Variants in DENND6A observed in about 807,000 individuals in gnomAD.
DENND6A encodes protein DENND6A.
Under a neutral mutation model 95.5 loss-of-function variants are expected in DENND6A, and 43 were observed. That is an observed-to-expected ratio of 0.45 (90% CI 0.35 to 0.58). The LOEUF is 0.58. Ranked by LOEUF, DENND6A falls within the 20% of genes least tolerant of loss-of-function variation. DENND6A has a pLI of 0.00. For missense variants in DENND6A, 574 were observed against 736.0 expected (o/e 0.78, Z 2.55); for synonymous variants, 257 against 260.4 (o/e 0.99, Z 0.13).
At position 57,666,051 on chromosome 3, in the gene DENND6A, C is replaced by T; in HGVS notation, c.432+72G>A. The T allele has an allele frequency of 2.4e-6, 3 of 1,246,120 alleles. No individual in the cohort carries two copies. The South Asian group carries it at 3.9e-5, about 16-fold the overall frequency. The allele number at this position is 1,246,120 out of a possible 1,614,324, so 77.2% of individuals were successfully genotyped here. ...AAAGCAAAATATTTCTGAATGGTGTCAGCGGTAACTGAATAAATGAGTTCT... is the reference window on the plus strand; with the variant it reads ...AAAGCAAAATATTTCTGAATGGTGTTAGCGGTAACTGAATAAATGAGTTCT... On this transcript the variant is annotated intron_variant, in intron 4 of 19. Coordinates refer to ENST00000311128, the MANE Select transcript of DENND6A (RefSeq NM_152678.3).
Position 57,628,878 on chromosome 3 carries a change from A to C in DENND6A, c.1628T>G (p.Leu543Arg), listed in dbSNP as rs1195446301. 1 of 1,612,420 alleles carries C rather than the reference A, an allele frequency of 6.2e-7. No individual in the cohort carries two copies. The highest frequency in any genetic ancestry group is 2.2e-5 in the East Asian group (1 of 44,810). Residue 543 changes from leucine (L) to arginine (R), a missense_variant, in exon 19 of 20, where the codon CTT (leucine) becomes CGT (arginine). Transcript: ENST00000311128. Reference protein sequence around the residue: ...HLEALCEEDLLLWIQKHTEVE... With the variant: ...HLEALCEEDLRLWIQKHTEVE... ...TTCTGTGTGTTTCTGGATCCAGAGAAGTAAGTCCTAGAATAAATAAAGTCC... is the reference window on the plus strand; with the variant it reads ...TTCTGTGTGTTTCTGGATCCAGAGACGTAAGTCCTAGAATAAATAAAGTCC...
At position 57,641,645 on chromosome 3, in the gene DENND6A, T is replaced by C. The variant is rs1248604086; in HGVS notation, c.1132+8A>G. The C allele has an allele frequency of 3.1e-6, 5 of 1,605,806 alleles. No individual in the cohort carries two copies. Among genetic ancestry groups the C allele is most frequent in the African/African-American group, 2.7e-5 (2 of 74,644 alleles). On this transcript the variant is annotated splice_region_variant and intron_variant, in intron 12 of 19. Transcript: ENST00000311128. ...CACTAGAAACAGAACACCAAGTTTA[T>C]ACTTTACCTGTAGGTTTAAGGTCTC...
chr3:57,625,920 G>C lies in DENND6A; in HGVS notation c.*2294C>G, dbSNP rs1209772335. On this transcript the variant is annotated 3_prime_UTR_variant, in exon 20 of 20. Coordinates refer to ENST00000311128, the MANE Select transcript of DENND6A (RefSeq NM_152678.3). ...TAGTGGCATAATTTAAAAGATCCTTGATATGACACCAACAACTTACAAATT... is the reference window on the plus strand; with the variant it reads ...TAGTGGCATAATTTAAAAGATCCTTCATATGACACCAACAACTTACAAATT... The C allele has an allele frequency of 6.6e-6, 1 of 152,476 alleles. No homozygotes were observed. The highest frequency in any genetic ancestry group is 1.5e-5 in the Non-Finnish European group (1 of 68,020). 9.4% of individuals were successfully genotyped at this position (152,476 alleles called of 1,614,324 possible).
intron 12 of DENND6A, among the ~76,000 whole-genome samples, chr3:57,636,111 CAGT>C (rs1366416022): frequency 1.4e-4 from 21 of 152,278 alleles, no homozygotes; most frequent in African/African-American, 5.1e-4. Flanking sequence ...CTCTGATCAA[CAGT>C]AGGCTGTTAG....
At chr3:57,685,076 G>T (rs1167124010) in intron 1 of DENND6A, among the ~76,000 whole-genome samples, 1 of 151,786 alleles carries the variant, frequency 6.6e-6, no homozygotes, top group South Asian at 2.1e-4. Flanking sequence ...ACCATGCCTG[G>T]CTAATTTTTT....
intron 19 of DENND6A, 39 bp downstream of exon 19, chr3:57,628,772 G>GA (rs775270956): frequency 3.4e-5 from 54 of 1,592,226 alleles, no homozygotes; most frequent in Non-Finnish European, 4.4e-5. Flanking sequence ...TGTCTTCAAA[G>GA]AAAAGTCAAT....
chr3:57,689,966 C>G (rs1386972256), intron 1 of DENND6A, among the ~76,000 whole-genome samples: 1 of 151,566 alleles, frequency 6.6e-6, no homozygotes, highest in Non-Finnish European at 1.5e-5. Flanking sequence ...CAGGAGGATC[C>G]CTCGAGTTTA....
chr3:57,633,840 G>A (rs140993929), intron 14 of DENND6A, among the ~76,000 whole-genome samples: 257 of 151,678 alleles, frequency 1.7e-3, no homozygotes, highest in African/African-American at 6.0e-3. Flanking sequence ...GCAGTGAGCC[G>A]AGATTGTGCT....
intron 8 of DENND6A, 84 bp downstream of exon 8, chr3:57,659,034 A>G (rs2071377829): frequency 7.8e-7 from 1 of 1,289,132 alleles, no homozygotes; most frequent in Non-Finnish European, 1.1e-6. Context: ...TAATAAACTC[A>G]AGAAACTCTG....
intron 7 of DENND6A, among the ~76,000 whole-genome samples, chr3:57,659,786 A>G (rs1338391452): frequency 2.0e-5 from 3 of 152,240 alleles, no homozygotes; most frequent in African/African-American, 7.2e-5. Context: ...TGGGATGAAC[A>G]TGTGTGGTCT....
At chr3:57,668,167 T>C (rs1446773147) in intron 3 of DENND6A, among the ~76,000 whole-genome samples, 2 of 152,216 alleles carry the variant, frequency 1.3e-5, no homozygotes, top group Non-Finnish European at 2.9e-5. Flanking sequence ...TATTGGTCCA[T>C]AACTGACTGG....
At chr3:57,680,819 G>A (rs1369528867) in intron 1 of DENND6A, among the ~76,000 whole-genome samples, 2 of 152,224 alleles carry the variant, frequency 1.3e-5, no homozygotes, top group South Asian at 2.1e-4. Flanking sequence ...TTTAGCATTA[G>A]TTATTAGGGA....
chr3:57,670,092 T>A (rs1212285822), intron 3 of DENND6A, among the ~76,000 whole-genome samples: 15 of 149,974 alleles, frequency 1.0e-4, no homozygotes, highest in African/African-American at 3.4e-4. Flanking sequence ...TACTTAAAAA[T>A]TTTTTTGATA....
intron 4 of DENND6A, among the ~76,000 whole-genome samples, chr3:57,665,501 T>C (rs1373562537): frequency 6.6e-6 from 1 of 152,052 alleles, no homozygotes; most frequent in Non-Finnish European, 1.5e-5. Context: ...TGGAAGAATA[T>C]ATTAGTAGTG....
intron 11 of DENND6A, among the ~76,000 whole-genome samples, chr3:57,644,939 A>G (rs1289729902): frequency 6.6e-6 from 1 of 152,014 alleles, no homozygotes; most frequent in African/African-American, 2.4e-5. Flanking sequence ...GTCAATCCGC[A>G]GTTGACTAGA....
chr3:57,671,401 G>C (rs887377428), intron 3 of DENND6A, among the ~76,000 whole-genome samples: 1 of 151,956 alleles, frequency 6.6e-6, no homozygotes, highest in African/African-American at 2.4e-5. Context: ...CTGGTGGCAG[G>C]CGCCTGTGGT....
At chr3:57,639,079 C>T (rs2070868122) in intron 12 of DENND6A, among the ~76,000 whole-genome samples, 1 of 152,132 alleles carries the variant, frequency 6.6e-6, no homozygotes, top group Non-Finnish European at 1.5e-5. Context: ...GCCTGAGCAA[C>T]AGCACAAGAC....
intron 1 of DENND6A, among the ~76,000 whole-genome samples, chr3:57,673,410 C>T (rs1193049265): frequency 6.6e-6 from 1 of 151,688 alleles, no homozygotes; most frequent in Admixed American, 6.6e-5. Flanking sequence ...GGTAAGTTAC[C>T]AGAGGCTGGG....
chr3:57,670,586 A>T (rs1216138082), intron 3 of DENND6A, among the ~76,000 whole-genome samples: 4 of 152,222 alleles, frequency 2.6e-5, no homozygotes, highest in Non-Finnish European at 4.4e-5. Context: ...CCTTCACAAA[A>T]GGAAATGTAT....
Sources: allele counts gnomAD v4.1 joint callset (sites outside exome capture counted in the v4.1 genomes callset), GRCh38; gene constraint gnomAD v4.1.1; transcripts MANE v1.5; gene names NCBI Gene and HGNC (gene_info 2026-07-23, HGNC 2026-07-21).